Variants in SPAG16 observed in about 807,000 individuals in gnomAD.
The protein encoded by SPAG16 is sperm associated antigen 16, also known as sperm-associated antigen 16 protein.
In SPAG16, 86 loss-of-function variants were observed where a neutral mutation model predicts 80.4. The observed-to-expected ratio is 1.07, with a 90% CI of 0.90 to 1.28. SPAG16 has a LOEUF of 1.28. SPAG16 is among the 50% of genes most tolerant of loss of function. SPAG16 has a pLI of 0.00. For missense variants in SPAG16, 870 were observed against 765.3 expected (o/e 1.14, Z -1.61); for synonymous variants, 294 against 265.9 (o/e 1.11, Z -1.03).
chr2:213,432,792 G>A (rs893607726), intron 9 of SPAG16, among the ~76,000 whole-genome samples: 1 of 152,028 alleles, frequency 6.6e-6, no homozygotes, highest in African/African-American at 2.4e-5. Flanking sequence ...AGAGAGGACA[G>A]CACTAAAATA....
chr2:214,133,934 A>G (rs1256695862), intron 14 of SPAG16, among the ~76,000 whole-genome samples: 3 of 152,176 alleles, frequency 2.0e-5, no homozygotes, highest in Non-Finnish European at 4.4e-5. Flanking sequence ...TTTGAACAGG[A>G]TGACATTGAG....
chr2:213,551,792 A>G (rs1268223565), intron 10 of SPAG16, among the ~76,000 whole-genome samples: 1 of 152,198 alleles, frequency 6.6e-6, no homozygotes, highest in African/African-American at 2.4e-5. Flanking sequence ...CTCCACTTCT[A>G]TATTTGACCT....
chr2:214,026,678 A>G (rs1489009152), intron 13 of SPAG16, among the ~76,000 whole-genome samples: 7 of 151,510 alleles, frequency 4.6e-5, no homozygotes, highest in Non-Finnish European at 1.5e-5. Context: ...ATTGATAAAT[A>G]AAGCTGGAGG....
intron 13 of SPAG16, among the ~76,000 whole-genome samples, chr2:214,085,378 CAAA>C (rs5838406): frequency 6.2e-4 from 74 of 120,190 alleles, no homozygotes; most frequent in Non-Finnish European, 7.4e-4. Context: ...GATTCCACCT[CAAA>C]AAAAAAAAAA....
chr2:213,318,656 A>G (rs1366131792), intron 5 of SPAG16, among the ~76,000 whole-genome samples: 1 of 151,934 alleles, frequency 6.6e-6, no homozygotes, highest in Non-Finnish European at 1.5e-5. Flanking sequence ...ATTTTAAAAA[A>G]GAAAATATAA....
At chr2:213,760,309 A>C (rs963546821) in intron 10 of SPAG16, among the ~76,000 whole-genome samples, 2 of 152,170 alleles carry the variant, frequency 1.3e-5, no homozygotes, top group Non-Finnish European at 2.9e-5. Context: ...CTTTAATCAA[A>C]AAGTTTACAA....
intron 15 of SPAG16, among the ~76,000 whole-genome samples, chr2:214,328,665 A>T (rs1219524085): frequency 6.6e-6 from 1 of 152,224 alleles, no homozygotes; most frequent in African/African-American, 2.4e-5. Flanking sequence ...ATTTTATAAA[A>T]TTATATAGTT....
intron 9 of SPAG16, among the ~76,000 whole-genome samples, chr2:213,453,449 G>T (rs2071819352): frequency 6.6e-6 from 1 of 152,146 alleles, no homozygotes; most frequent in Non-Finnish European, 1.5e-5. Context: ...ACTTGTCTTG[G>T]ATATATTCAA....
At chr2:213,442,208 C>A (rs543454397) in intron 9 of SPAG16, among the ~76,000 whole-genome samples, 1 of 152,158 alleles carries the variant, frequency 6.6e-6, no homozygotes, top group Non-Finnish European at 1.5e-5. Context: ...ACATGAAATA[C>A]TTAGGTCTAA....
chr2:213,486,374 C>T (rs1294292668), intron 9 of SPAG16, among the ~76,000 whole-genome samples: 3 of 152,012 alleles, frequency 2.0e-5, no homozygotes, highest in African/African-American at 7.3e-5. Context: ...GAGATGGCTG[C>T]ATTCTCATGT....
At position 214,290,694 on chromosome 2, in the gene SPAG16, G is replaced by A. The variant is rs376632078; in HGVS notation, c.1721-119446G>A. Among the ~76,000 whole-genome samples, 15 of 152,158 alleles carry A rather than the reference G, an allele frequency of 9.9e-5. No homozygotes were observed. The East Asian group carries it at 1.2e-3, about 12-fold the overall frequency. On this transcript the variant is annotated intron_variant, in intron 15 of 15. Coordinates refer to ENST00000331683, the MANE Select transcript of SPAG16 (RefSeq NM_024532.5). Reference sequence around the variant, plus strand: ...TTCATGTATCTGTATAGTTTCCAACGTTCCTCTTACTGATTTCTAGTTTTA... The same window carrying A: ...TTCATGTATCTGTATAGTTTCCAACATTCCTCTTACTGATTTCTAGTTTTA...
intron 10 of SPAG16, among the ~76,000 whole-genome samples, chr2:213,635,507 G>A (rs908069244): frequency 6.6e-6 from 1 of 152,034 alleles, no homozygotes; most frequent in South Asian, 2.1e-4. Flanking sequence ...TTCCATACTG[G>A]TTGTACTGGT....
chr2:214,053,587 A>G (rs1305698122), intron 13 of SPAG16, among the ~76,000 whole-genome samples: 1 of 152,154 alleles, frequency 6.6e-6, no homozygotes, highest in Non-Finnish European at 1.5e-5. Context: ...TCAACAGGTA[A>G]TTCATACCTA....
intron 4 of SPAG16, among the ~76,000 whole-genome samples, chr2:213,316,493 A>C (rs1444628138): frequency 1.3e-5 from 2 of 151,936 alleles, no homozygotes; most frequent in Non-Finnish European, 2.9e-5. Flanking sequence ...ACTTATCTCA[A>C]AACCTTCCTA....
At position 213,682,834 on chromosome 2, in the gene SPAG16, G is replaced by A. The variant is rs141678938; in HGVS notation, c.1071-179651G>A. Among the ~76,000 whole-genome samples the A allele has an allele frequency of 7.4e-3, 1,130 of 152,234 alleles. 14 individuals are homozygous for A. Among genetic ancestry groups the A allele is most frequent in the African/African-American group, 0.026 (1,068 of 41,548 alleles). Reference sequence around the variant, plus strand: ...GCTAATGGTTTGGGGCTGGATTTACGCGGTTTTTAATCAAGGGGAACTTAA... The same window carrying A: ...GCTAATGGTTTGGGGCTGGATTTACACGGTTTTTAATCAAGGGGAACTTAA... On this transcript the variant is annotated intron_variant, in intron 10 of 15. Coordinates refer to ENST00000331683, the MANE Select transcript of SPAG16 (RefSeq NM_024532.5).
intron 11 of SPAG16, among the ~76,000 whole-genome samples, chr2:213,890,192 T>C (rs561424217): frequency 6.6e-6 from 1 of 152,144 alleles, no homozygotes; most frequent in Admixed American, 6.6e-5. Context: ...TTAGAAAATT[T>C]CTAAGCTAAT....
intron 13 of SPAG16, among the ~76,000 whole-genome samples, chr2:214,071,223 C>A (rs1007609304): frequency 5.3e-5 from 8 of 152,050 alleles, no homozygotes. Context: ...CTAGGAAGAT[C>A]TTCAATAGCA....
At chr2:213,601,953 G>A (rs1224735351) in intron 10 of SPAG16, among the ~76,000 whole-genome samples, 1 of 152,216 alleles carries the variant, frequency 6.6e-6, no homozygotes, top group East Asian at 1.9e-4. Flanking sequence ...GAAGTCATCA[G>A]GCATTGGTTA....
At chr2:214,354,829 T>C (rs2126057349) in intron 15 of SPAG16, among the ~76,000 whole-genome samples, 1 of 152,296 alleles carries the variant, frequency 6.6e-6, no homozygotes, top group African/African-American at 2.4e-5. Flanking sequence ...AGAATGCTTG[T>C]GATTTTTGTA....
Sources: gnomAD v4.1 joint callset for allele counts (sites outside exome capture counted in the v4.1 genomes callset) on GRCh38, gnomAD v4.1.1 for gene constraint, MANE v1.5 for transcripts, NCBI Gene and HGNC (gene_info 2026-07-23, HGNC 2026-07-21) for gene names.